SLC25A12: variants seen among roughly 807,000 people sequenced by gnomAD.
SLC25A12 encodes electrogenic aspartate/glutamate antiporter SLC25A12, mitochondrial.
In SLC25A12, 32 loss-of-function variants were observed where a neutral mutation model predicts 83.3. That is an observed-to-expected ratio of 0.38 (90% confidence interval 0.29 to 0.52). The LOEUF (loss-of-function observed/expected upper bound fraction) is 0.52. Ranked by LOEUF, SLC25A12 falls within the 20% of genes least tolerant of loss-of-function variation. The pLI is 0.84. For synonymous variants in SLC25A12, 267 were observed against 291.1 expected (o/e 0.92, Z 0.84); for missense variants, 611 against 835.6 (o/e 0.73, Z 3.31).
intron 11 of SLC25A12, 125 bp downstream of exon 11, chr2:171,813,214 A>G (rs772011089): frequency 4.0e-5 from 38 of 940,592 alleles, no homozygotes; most frequent in Non-Finnish European, 5.8e-5. Flanking sequence ...AGAGAAAATA[A>G]AAAGAGAGAA....
intron 8 of SLC25A12, among the ~76,000 whole-genome samples, chr2:171,829,630 C>T (rs1306680818): frequency 1.3e-5 from 2 of 152,052 alleles, no homozygotes; most frequent in African/African-American, 4.8e-5. Context: ...AGGTCCCCTT[C>T]TCCATAAATA....
At chr2:171,841,046 A>G (rs1684661982) in intron 5 of SLC25A12, among the ~76,000 whole-genome samples, 2 of 152,202 alleles carry the variant, frequency 1.3e-5, no homozygotes. Context: ...AAACTATCTT[A>G]GCATAATGGT....
In SLC25A12 at chr2:171,894,210, G is replaced by A. The variant is rs1410996256; in HGVS notation, c.5C>T (p.Ala2Val). The change falls in exon 1 of 18, where the codon GCG (alanine) becomes GTG (valine). Residue 2 changes from alanine (A) to valine (V), a missense_variant. Around this residue, in one of 3 missense-constraint regions of SLC25A12, gnomAD observed 34 missense variants for 23.0 expected, o/e 1.48. Coordinates refer to ENST00000422440, the MANE Select transcript of SLC25A12 (RefSeq NM_003705.5). ...GCAGAGAGTTGGAGTCACCTTGACC[G>A]CCATGCTGTGCTCGGAAGCCGGGGA... M[A>V]VKVQTTKRGD... is the part of the protein sequence containing the mutation. The A allele has an allele frequency of 6.2e-7, 1 of 1,608,794 alleles. No homozygotes were observed. The highest frequency in any genetic ancestry group is 2.2e-5 in the East Asian group (1 of 44,600).
intron 13 of SLC25A12, among the ~76,000 whole-genome samples, chr2:171,805,693 A>G (rs1683810266): frequency 1.3e-5 from 2 of 152,266 alleles, no homozygotes; most frequent in African/African-American, 4.8e-5. Flanking sequence ...TTCAAGCTAC[A>G]TCAAAAGCAA....
intron 11 of SLC25A12, 147 bp downstream of exon 11, chr2:171,813,192 G>A: frequency 1.3e-6 from 1 of 771,602 alleles, no homozygotes; most frequent in Non-Finnish European, 2.2e-6. Context: ...ATGCAAAAAG[G>A]GAAATGAGCA....
chr2:171,892,354 T>C (rs1471745793), intron 2 of SLC25A12, among the ~76,000 whole-genome samples: 2 of 151,858 alleles, frequency 1.3e-5, no homozygotes, highest in Admixed American at 6.6e-5. Flanking sequence ...GCCTCCCGAG[T>C]AGCTGGGACT....
chr2:171,887,824 A>G (rs1685852392), intron 2 of SLC25A12, among the ~76,000 whole-genome samples: 1 of 152,226 alleles, frequency 6.6e-6, no homozygotes, highest in African/African-American at 2.4e-5. Context: ...CTCCAATTTC[A>G]TGAACTTGGC....
At chr2:171,825,170 G>T (rs1476749135) in intron 9 of SLC25A12, among the ~76,000 whole-genome samples, 2 of 152,130 alleles carry the variant, frequency 1.3e-5, no homozygotes, top group Non-Finnish European at 2.9e-5. Context: ...AAGCTAAATT[G>T]CAATGAGTTA....
At chr2:171,793,401 T>C (rs563520419) in intron 14 of SLC25A12, among the ~76,000 whole-genome samples, 1 of 152,284 alleles carries the variant, frequency 6.6e-6, no homozygotes, top group African/African-American at 2.4e-5. Flanking sequence ...TCTGCGGTGC[T>C]GGCCTCCTTG....
intron 13 of SLC25A12, among the ~76,000 whole-genome samples, chr2:171,803,519 T>C (rs955874298): frequency 6.6e-6 from 1 of 152,176 alleles, no homozygotes; most frequent in Non-Finnish European, 1.5e-5. Flanking sequence ...GTGGTCAATA[T>C]GCACACAAAA....
intron 8 of SLC25A12, among the ~76,000 whole-genome samples, chr2:171,828,227 G>C (rs980758631): frequency 1.3e-5 from 2 of 152,190 alleles, no homozygotes; most frequent in Admixed American, 6.5e-5. Flanking sequence ...GAAGTGAATG[G>C]GGATAGCTGC....
chr2:171,847,911 G>GT (rs3841888), intron 4 of SLC25A12, among the ~76,000 whole-genome samples: 37,915 of 152,112 alleles, frequency 0.25, 5,863 homozygotes, highest in Middle Eastern at 0.37. Flanking sequence ...AGGAGAGCAG[G>GT]TAACGGTGAC....
At chr2:171,806,565 G>GGTC (rs1683835066) in intron 13 of SLC25A12, among the ~76,000 whole-genome samples, 1 of 152,152 alleles carries the variant, frequency 6.6e-6, no homozygotes, top group Admixed American at 6.5e-5. Flanking sequence ...GTCACTTCAT[G>GGTC]ATCTAGTCAA....
At chr2:171,806,675 T>G (rs970004810) in intron 13 of SLC25A12, among the ~76,000 whole-genome samples, 1 of 152,156 alleles carries the variant, frequency 6.6e-6, no homozygotes, top group Non-Finnish European at 1.5e-5. Context: ...TAGCTAATCC[T>G]TCCTCTGGGA....
intron 5 of SLC25A12, among the ~76,000 whole-genome samples, chr2:171,843,866 G>C (rs1684736082): frequency 7.2e-6 from 1 of 138,562 alleles, no homozygotes; most frequent in Non-Finnish European, 1.5e-5. Context: ...TGTGATCCCA[G>C]CTCACTGCAA....
chr2:171,887,236 T>C (rs1255699643), intron 2 of SLC25A12, among the ~76,000 whole-genome samples: 1 of 152,256 alleles, frequency 6.6e-6, no homozygotes, highest in African/African-American at 2.4e-5. Context: ...TAACAGTATC[T>C]TCTCCTCTTT....
intron 2 of SLC25A12, among the ~76,000 whole-genome samples, chr2:171,881,403 C>A (rs541043124): frequency 1.3e-5 from 2 of 152,132 alleles, no homozygotes; most frequent in Admixed American, 1.3e-4. Flanking sequence ...CCAGCCGCCT[C>A]GGCCTCCCAA....
At chr2:171,819,485 A>C (rs923760098) in intron 9 of SLC25A12, among the ~76,000 whole-genome samples, 3 of 137,160 alleles carry the variant, frequency 2.2e-5, no homozygotes, top group African/African-American at 8.1e-5. Context: ...ATATATATAT[A>C]ATTTTCCCCT....
chr2:171,880,847 A>T (rs1024673318), intron 2 of SLC25A12, among the ~76,000 whole-genome samples: 1 of 152,230 alleles, frequency 6.6e-6, no homozygotes, highest in African/African-American at 2.4e-5. Context: ...ACACACTAAC[A>T]TACCTGTATC....
Sources: allele counts gnomAD v4.1 joint callset (sites outside exome capture counted in the v4.1 genomes callset), GRCh38; gene constraint gnomAD v4.1.1; regional missense constraint gnomAD v4.1.1; transcripts MANE v1.5; gene names NCBI Gene and HGNC (gene_info 2026-07-23, HGNC 2026-07-21).